Variants in MACROH2A2 observed in about 807,000 individuals in gnomAD.
The protein encoded by MACROH2A2 is macroH2A.2 histone.
In MACROH2A2, 6 loss-of-function variants were observed where a neutral mutation model predicts 37.6. The observed-to-expected ratio is 0.16, with a 90% CI of 0.09 to 0.32. MACROH2A2 has a LOEUF of 0.32. Among genes scored for constraint, MACROH2A2 ranks in the 10% least tolerant of loss-of-function variants. The probability of loss-of-function intolerance (pLI) is 1.00; values close to 1 mark genes in which losing one functional copy is unlikely to be tolerated. For synonymous variants in MACROH2A2, 192 were observed against 202.7 expected, an observed-to-expected ratio of 0.95 and a Z score of 0.45; for missense variants, 290 against 485.9, an observed-to-expected ratio of 0.60 and a Z score of 3.79.
chr10:70,106,536 A>T (rs1266309212), intron 7 of MACROH2A2, among the ~76,000 whole-genome samples: 5 of 152,166 alleles, frequency 3.3e-5, no homozygotes, highest in African/African-American at 9.7e-5. Context: ...GGCTGGGTGC[A>T]GTATAATCCT....
At chr10:70,111,021 C>T (rs1349808260) in intron 8 of MACROH2A2, among the ~76,000 whole-genome samples, 1 of 152,120 alleles carries the variant, frequency 6.6e-6, no homozygotes, top group Non-Finnish European at 1.5e-5. Context: ...GTAATCCCAG[C>T]ACTTTGGGAG....
chr10:70,111,181 A>T (rs1159647332), intron 8 of MACROH2A2, among the ~76,000 whole-genome samples: 2 of 152,146 alleles, frequency 1.3e-5, no homozygotes, highest in African/African-American at 2.4e-5. Context: ...AGGCAGGAGA[A>T]TCGCTTGAAC....
chr10:70,095,837 G>A, intron 6 of MACROH2A2, 84 bp downstream of exon 6: 1 of 716,572 alleles, frequency 1.4e-6, no homozygotes, highest in Non-Finnish European at 2.6e-6. Flanking sequence ...ATTGTCAACT[G>A]GCTGTCCCTC....
chr10:70,110,339 G>A (rs557368520), intron 8 of MACROH2A2, among the ~76,000 whole-genome samples: 4 of 152,198 alleles, frequency 2.6e-5, no homozygotes, highest in East Asian at 1.9e-4. Context: ...CATTAACCCC[G>A]CCATGCCCGG....
intron 2 of MACROH2A2, among the ~76,000 whole-genome samples, chr10:70,079,672 TCAG>T (rs2072164207): frequency 2.1e-5 from 2 of 93,156 alleles, no homozygotes; most frequent in Non-Finnish European, 4.6e-5. Context: ...TAGGTAGAGA[TCAG>T]TTGTCAAGGA....
chr10:70,091,694 ACTG>A, intron 3 of MACROH2A2, 60 bp from the exon 4 acceptor site: 1 of 1,083,908 alleles, frequency 9.2e-7, no homozygotes, highest in Non-Finnish European at 1.4e-6. Flanking sequence ...AAAAAAAAGA[ACTG>A]TATGAAATTG....
At position 70,109,025 on chromosome 10, in the gene MACROH2A2, T is replaced by A; in HGVS notation, c.779-8T>A. ...ATAACCCGCGGCATTTTCTCTCCTA[T>A]GTCCCAGCCGCCGTCAGCCAATCCA... On this transcript the variant is annotated splice_polypyrimidine_tract_variant and splice_region_variant and intron_variant, in intron 7 of 8. Coordinates refer to ENST00000373255, the MANE Select transcript of MACROH2A2 (RefSeq NM_018649.3). The A allele has an allele frequency of 6.2e-7, 1 of 1,613,648 alleles. No individual in the cohort carries two copies. Among genetic ancestry groups the A allele is most frequent in the Non-Finnish European group, 8.5e-7 (1 of 1,179,530 alleles).
At chr10:70,066,849 G>A (rs902477888) in intron 1 of MACROH2A2, among the ~76,000 whole-genome samples, 6 of 152,148 alleles carry the variant, frequency 3.9e-5, no homozygotes, top group Admixed American at 3.9e-4. Context: ...TGCTCCAGGT[G>A]ACTGCCTTCT....
intron 1 of MACROH2A2, among the ~76,000 whole-genome samples, chr10:70,062,718 A>T (rs1279692885): frequency 6.6e-6 from 1 of 152,114 alleles, no homozygotes; most frequent in African/African-American, 2.4e-5. Context: ...CAAATTACTG[A>T]CTGCTGTCTC....
intron 1 of MACROH2A2, among the ~76,000 whole-genome samples, chr10:70,074,200 C>G (rs773382973): frequency 2.6e-5 from 4 of 152,124 alleles, no homozygotes; most frequent in Non-Finnish European, 5.9e-5. Flanking sequence ...AAGACTCTGT[C>G]CAGGAATATG....
intron 2 of MACROH2A2, among the ~76,000 whole-genome samples, chr10:70,082,217 C>T (rs1354136102): frequency 3.3e-5 from 5 of 152,056 alleles, no homozygotes; most frequent in Admixed American, 6.6e-5. Context: ...ATCGGGAGTT[C>T]GAGACCAGCC....
chr10:70,079,252 C>T (rs2072158551), intron 2 of MACROH2A2, among the ~76,000 whole-genome samples: 1 of 151,910 alleles, frequency 6.6e-6, no homozygotes, highest in Non-Finnish European at 1.5e-5. Context: ...CTGGGTCCCA[C>T]CCCCGAGACT....
In MACROH2A2 at chr10:70,075,663, C is replaced by T. The variant is rs375442516; in HGVS notation, c.5C>T (p.Ser2Leu). The T allele has an allele frequency of 4.5e-5, 72 of 1,613,796 alleles. No individual in the cohort carries two copies. The highest frequency in any genetic ancestry group is 5.8e-5 in the Non-Finnish European group (69 of 1,179,890). The change falls in exon 2 of 9, where the codon TCG becomes TTG. Residue 2 changes from serine to leucine, a missense_variant. Ser to Leu is a moderately radical substitution (Grantham distance 145, BLOSUM62 -2). This residue lies in a region of MACROH2A2 where 83 missense variants were observed against 159.9 expected (regional missense o/e 0.52). Coordinates refer to ENST00000373255, the MANE Select transcript of MACROH2A2 (RefSeq NM_018649.3). The surrounding 1 kb of genome is among the most constrained non-coding windows in gnomAD (Gnocchi z 5.0). M[S>L]GRSGKKKMSK... ...TGAGAGGGAAACTGAAGCAAGATGT[C>T]GGGCCGGAGTGGGAAGAAGAAAATG...
intron 4 of MACROH2A2, among the ~76,000 whole-genome samples, chr10:70,093,420 C>G (rs2072257767): frequency 6.6e-6 from 1 of 152,148 alleles, no homozygotes; most frequent in Non-Finnish European, 1.5e-5. Flanking sequence ...ACGGCCCCAC[C>G]CAGCTCCGAT....
Position 70,109,148 on chromosome 10 carries a change from G to A in MACROH2A2, c.894G>A (p.Leu298=), listed in dbSNP as rs1276114168. 1.2e-6 allele frequency: 2 copies of A among 1,614,208 alleles called. No homozygotes were observed. Among genetic ancestry groups the A allele is most frequent in the East Asian group, 2.2e-5 (1 of 44,886 alleles). The change falls in exon 8 of 9, where the codon CTG becomes CTA. Residue 298 remains leucine (L), a synonymous_variant. Coordinates refer to ENST00000373255, the MANE Select transcript of MACROH2A2 (RefSeq NM_018649.3). ...TTGAAGAGACCATCAAAAACTGCCT[G>A]TCAGCGGCGGAGGACAAGAAGCTAA... The part of the protein sequence containing the change: ...EQLEETIKNC[L]SAAEDKKLKS...
chr10:70,091,469 C>T (rs760859272), intron 3 of MACROH2A2, among the ~76,000 whole-genome samples: 18 of 151,920 alleles, frequency 1.2e-4, no homozygotes, highest in African/African-American at 3.6e-4. Context: ...TGAGGTCAGC[C>T]GTTCGAGACC....
At chr10:70,070,451 T>C (rs1182306500) in intron 1 of MACROH2A2, among the ~76,000 whole-genome samples, 1 of 152,206 alleles carries the variant, frequency 6.6e-6, no homozygotes, top group African/African-American at 2.4e-5. Flanking sequence ...TACTTTGATT[T>C]TCCTTACTTG....
At chr10:70,104,906 C>CA (rs908951983) in intron 7 of MACROH2A2, among the ~76,000 whole-genome samples, 6 of 151,272 alleles carry the variant, frequency 4.0e-5, no homozygotes, top group African/African-American at 9.7e-5. Context: ...AATATTTAAA[C>CA]AAAAAAAAAG....
At chr10:70,088,088 T>C (rs948170299) in intron 2 of MACROH2A2, among the ~76,000 whole-genome samples, 1 of 151,986 alleles carries the variant, frequency 6.6e-6, no homozygotes, top group African/African-American at 2.4e-5. Flanking sequence ...TGTATCAGCA[T>C]ATCCTCCCAG....
Sources: allele counts gnomAD v4.1 joint callset (sites outside exome capture counted in the v4.1 genomes callset), GRCh38; gene constraint gnomAD v4.1.1; regional missense constraint gnomAD v4.1.1; non-coding constraint Gnocchi (gnomAD v3.1); transcripts MANE v1.5; gene names NCBI Gene and HGNC (gene_info 2026-07-23, HGNC 2026-07-21).